SDK1: variants seen among roughly 807,000 people sequenced by gnomAD.
The protein encoded by SDK1 is protein sidekick-1.
SDK1 carries 157 observed loss-of-function variants against 245.5 expected under a neutral mutation model. The ratio of observed to expected loss-of-function variants is 0.64; its 90% confidence interval spans 0.56 to 0.73. SDK1 has a LOEUF of 0.73. Ranked by LOEUF, SDK1 falls within the 30% of genes least tolerant of loss-of-function variation. The pLI is 0.00. For missense variants in SDK1, 3,583 were observed against 3,002.3 expected, an observed-to-expected ratio of 1.19 and a Z score of -4.52; for synonymous variants, 1,647 against 1,278.5, an observed-to-expected ratio of 1.29 and a Z score of -6.15.
chr7:3,475,061 G>C (rs1228448568), intron 1 of SDK1, among the ~76,000 whole-genome samples: 2 of 152,110 alleles, frequency 1.3e-5, no homozygotes, highest in Non-Finnish European at 2.9e-5. Context: ...TTTCCACATG[G>C]CAACCAGGAT....
At position 3,601,002 on chromosome 7, in the gene SDK1, C is replaced by T. The variant is rs77005931; in HGVS notation, c.299-18078C>T. ...GCTCACCTAATTTTTTTCCTTATCC[C>T]ATTGATGTGGTAGATTCTTTCTTTT... On this transcript the variant is annotated intron_variant, in intron 1 of 44. Coordinates refer to ENST00000404826, the MANE Select transcript of SDK1 (RefSeq NM_152744.4). Among the ~76,000 whole-genome samples the T allele has an allele frequency of 4.1e-3, 630 of 151,872 alleles. 4 individuals carry two copies. Among genetic ancestry groups the T allele is most frequent in the African/African-American group, 0.014 (587 of 41,292 alleles).
At chr7:3,633,871 C>G (rs1348459462) in intron 2 of SDK1, among the ~76,000 whole-genome samples, 1 of 151,984 alleles carries the variant, frequency 6.6e-6, no homozygotes, top group African/African-American at 2.4e-5. Context: ...TGGAACTGGT[C>G]CTCTGAGGGT....
At chr7:3,786,724 G>A (rs933682410) in intron 4 of SDK1, among the ~76,000 whole-genome samples, 4 of 152,008 alleles carry the variant, frequency 2.6e-5, no homozygotes, top group Non-Finnish European at 5.9e-5. Context: ...TTTGTGTTAG[G>A]GCTAGAGGGA....
chr7:3,795,410 T>C (rs1778938040), intron 4 of SDK1, among the ~76,000 whole-genome samples: 1 of 152,100 alleles, frequency 6.6e-6, no homozygotes, highest in African/African-American at 2.4e-5. Flanking sequence ...TTATAGATCA[T>C]TTATATTACA....
chr7:3,681,666 T>G (rs1784105016), intron 4 of SDK1, among the ~76,000 whole-genome samples: 1 of 152,216 alleles, frequency 6.6e-6, no homozygotes, highest in South Asian at 2.1e-4. Flanking sequence ...ATGTGCTTTT[T>G]TTTTATATTT....
intron 35 of SDK1, among the ~76,000 whole-genome samples, chr7:4,183,494 G>C (rs1056895760): frequency 6.6e-6 from 1 of 151,982 alleles, no homozygotes; most frequent in Non-Finnish European, 1.5e-5. Context: ...AATTAGCTGG[G>C]CATGGTGGTG....
intron 1 of SDK1, among the ~76,000 whole-genome samples, chr7:3,406,109 C>A (rs191648354): frequency 2.0e-5 from 3 of 151,940 alleles, no homozygotes; most frequent in Non-Finnish European, 4.4e-5. Context: ...CACCGCTCCT[C>A]GTCTGTTGTG....
At chr7:3,790,673 A>C (rs1382075705) in intron 4 of SDK1, among the ~76,000 whole-genome samples, 1 of 152,086 alleles carries the variant, frequency 6.6e-6, no homozygotes, top group Non-Finnish European at 1.5e-5. Flanking sequence ...GGGCATGGTG[A>C]CGCATGCCTG....
chr7:3,425,258 A>C (rs773175241), intron 1 of SDK1, among the ~76,000 whole-genome samples: 1 of 152,024 alleles, frequency 6.6e-6, no homozygotes, highest in Admixed American at 6.6e-5. Flanking sequence ...TATGGCACTG[A>C]TTTACACTTT....
At chr7:4,145,409 C>T (rs950387768) in intron 28 of SDK1, among the ~76,000 whole-genome samples, 3 of 152,154 alleles carry the variant, frequency 2.0e-5, no homozygotes, top group African/African-American at 7.2e-5. Context: ...CCACAGCCCT[C>T]TGGGGAGCAG....
intron 7 of SDK1, among the ~76,000 whole-genome samples, chr7:3,955,110 T>C (rs751746233): frequency 3.9e-5 from 6 of 152,166 alleles, no homozygotes; most frequent in Non-Finnish European, 8.8e-5. Flanking sequence ...TGTGCCCTGC[T>C]CCTGCTGAGC....
At chr7:3,868,410 A>G (rs1780873313) in intron 5 of SDK1, among the ~76,000 whole-genome samples, 1 of 152,230 alleles carries the variant, frequency 6.6e-6, no homozygotes, top group Admixed American at 6.5e-5. Context: ...ATACTTTATT[A>G]AAGAAGGAAT....
At position 3,310,889 on chromosome 7, in the gene SDK1, A is replaced by G. The variant is rs73286361; in HGVS notation, c.298+9005A>G. On this transcript the variant is annotated intron_variant, in intron 1 of 44. Coordinates refer to ENST00000404826, the MANE Select transcript of SDK1 (RefSeq NM_152744.4). ...TTTTCTTATCCCTGAAGAATTGTGT[A>G]ATGATTCTGCCTGCTTCCTGTAGTT... Among the ~76,000 whole-genome samples the G allele has an allele frequency of 8.8e-3, 1,333 of 152,286 alleles. 24 individuals are homozygous for G. Among genetic ancestry groups the G allele is most frequent in the African/African-American group, 0.03 (1,257 of 41,546 alleles).
At chr7:3,672,697 T>G (rs1425785332) in intron 4 of SDK1, among the ~76,000 whole-genome samples, 3 of 135,308 alleles carry the variant, frequency 2.2e-5, no homozygotes, top group Non-Finnish European at 4.7e-5. Flanking sequence ...AAAATTTATA[T>G]TAAATAAAAA....
chr7:4,162,385 T>C (rs1298314680), intron 32 of SDK1, among the ~76,000 whole-genome samples: 1 of 118,988 alleles, frequency 8.4e-6, no homozygotes, highest in Non-Finnish European at 1.7e-5. Flanking sequence ...ATTATTATTA[T>C]TATTATTATT....
intron 4 of SDK1, among the ~76,000 whole-genome samples, chr7:3,712,146 G>A (rs963515620): frequency 2.6e-5 from 4 of 152,166 alleles, no homozygotes; most frequent in Admixed American, 1.3e-4. Context: ...AGCAGGAGGC[G>A]CAGGGTGGGC....
chr7:3,350,563 T>G (rs943066101), intron 1 of SDK1, among the ~76,000 whole-genome samples: 2 of 152,216 alleles, frequency 1.3e-5, no homozygotes, highest in Non-Finnish European at 2.9e-5. Context: ...TATAATTGAT[T>G]GTCTTTAACT....
intron 5 of SDK1, among the ~76,000 whole-genome samples, chr7:3,919,802 G>A (rs1005292452): frequency 2.6e-5 from 4 of 152,142 alleles, no homozygotes; most frequent in East Asian, 1.9e-4. Flanking sequence ...CAGAGGCTGC[G>A]TGAGACACCG....
chr7:3,493,755 C>A (rs921926687), intron 1 of SDK1, among the ~76,000 whole-genome samples: 2 of 152,166 alleles, frequency 1.3e-5, no homozygotes, highest in Admixed American at 1.3e-4. Context: ...CATCCTTTCT[C>A]ACTTATGACA....
Sources: gnomAD v4.1 joint callset for allele counts (sites outside exome capture counted in the v4.1 genomes callset) on GRCh38, gnomAD v4.1.1 for gene constraint, MANE v1.5 for transcripts, NCBI Gene and HGNC (gene_info 2026-07-23, HGNC 2026-07-21) for gene names.